The following GRIK1 variants were observed in gnomAD, a reference collection of about 807,000 sequenced individuals.
GRIK1 encodes the protein glutamate receptor ionotropic, kainate 1.
Under a neutral mutation model 105.7 loss-of-function variants are expected in GRIK1, and 69 were observed. That is an observed-to-expected ratio of 0.65 (90% CI 0.54 to 0.80). GRIK1 has a LOEUF of 0.80. Among genes scored for constraint, GRIK1 ranks in the 30% least tolerant of loss-of-function variants. The pLI is 0.00. For missense variants in GRIK1, 1,109 were observed against 1,167.3 expected, an observed-to-expected ratio of 0.95 and a Z score of 0.73; for synonymous variants, 438 against 431.3, an observed-to-expected ratio of 1.02 and a Z score of -0.19.
intron 5 of GRIK1, among the ~76,000 whole-genome samples, chr21:29,653,952 G>A (rs187025583): frequency 5.5e-4 from 84 of 152,200 alleles, no homozygotes; most frequent in Non-Finnish European, 9.9e-4. Flanking sequence ...TTACTACTTC[G>A]GGTCCTTATT....
intron 3 of GRIK1, among the ~76,000 whole-genome samples, chr21:29,675,908 G>A (rs1012067107): frequency 1.3e-5 from 2 of 152,052 alleles, no homozygotes; most frequent in Non-Finnish European, 2.9e-5. Flanking sequence ...AGGATTTCTT[G>A]TCAACTGGCT....
At chr21:29,543,288 A>C (rs9305398) in intron 16 of GRIK1, among the ~76,000 whole-genome samples, 95,352 of 151,936 alleles carry the variant, frequency 0.63, 31,151 homozygotes, top group East Asian at 0.76. Context: ...TTTAAGGAAT[A>C]GGAACAGAAG....
At chr21:29,915,599 T>C (rs888760020) in intron 1 of GRIK1, among the ~76,000 whole-genome samples, 12 of 152,044 alleles carry the variant, frequency 7.9e-5, no homozygotes, top group East Asian at 3.9e-4. Context: ...CCTATGACAC[T>C]GTTTACTGCG....
intron 1 of GRIK1, among the ~76,000 whole-genome samples, chr21:29,858,951 T>A (rs1436642792): frequency 1.5e-5 from 2 of 132,456 alleles, no homozygotes; most frequent in South Asian, 2.3e-4. Flanking sequence ...AAATTCTACA[T>A]TTTTTTTGTA....
chr21:29,719,179 T>G (rs1009937400), intron 1 of GRIK1, among the ~76,000 whole-genome samples: 12 of 150,718 alleles, frequency 8.0e-5, no homozygotes, highest in Non-Finnish European at 1.6e-4. Context: ...TGTACTACTT[T>G]ATATATAATT....
intron 15 of GRIK1, among the ~76,000 whole-genome samples, chr21:29,555,670 A>AC (rs1001615222): frequency 6.6e-6 from 1 of 152,164 alleles, no homozygotes; most frequent in African/African-American, 2.4e-5. Flanking sequence ...CATTGACTGA[A>AC]CGACCCTCTT....
intron 1 of GRIK1, among the ~76,000 whole-genome samples, chr21:29,928,107 G>A (rs1411789674): frequency 6.6e-6 from 1 of 152,096 alleles, no homozygotes; most frequent in Non-Finnish European, 1.5e-5. Context: ...GAGAGTTGAT[G>A]AGCTAAGAAA....
intron 1 of GRIK1, among the ~76,000 whole-genome samples, chr21:29,905,851 C>CT (rs373492302): frequency 1.4e-3 from 207 of 152,246 alleles, no homozygotes; most frequent in African/African-American, 4.9e-3. Context: ...TGGACTTGAA[C>CT]TTCTGACCTC....
intron 1 of GRIK1, among the ~76,000 whole-genome samples, chr21:29,907,370 G>A (rs1365285662): frequency 1.3e-5 from 2 of 151,984 alleles, no homozygotes; most frequent in Non-Finnish European, 2.9e-5. Context: ...AATAATCAAT[G>A]TTCTAGATCA....
chr21:29,572,404 C>T (rs985185707), intron 14 of GRIK1, among the ~76,000 whole-genome samples: 3 of 152,040 alleles, frequency 2.0e-5, no homozygotes, highest in Non-Finnish European at 4.4e-5. Context: ...ATGTATCCAT[C>T]CACCTCTCTC....
chr21:29,746,098 C>T (rs925860615), intron 1 of GRIK1, among the ~76,000 whole-genome samples: 2 of 151,476 alleles, frequency 1.3e-5, no homozygotes, highest in Non-Finnish European at 2.9e-5. Context: ...AGCGGGACTC[C>T]GTTTCAAAAA....
rs1270140559 is a variant in GRIK1 at position 29,537,242 on chromosome 21, C to G, written c.2838G>C (p.Glu946Asp). Residue 946 changes from glutamate (E) to aspartate (D), a missense_variant, in exon 18 of 18, where the codon GAG becomes GAC. Around this residue, in one of 5 missense-constraint regions of GRIK1, gnomAD observed 161 missense variants for 143.4 expected, o/e 1.12. Coordinates refer to ENST00000327783, the MANE Select transcript of GRIK1 (RefSeq NM_001330994.2). ...GCGTTTCCTTGGATCACGCCACAGTCTCTTTTCTCTGAGTTCGTCTCTGAT... is the reference window on the plus strand; with the variant it reads ...GCGTTTCCTTGGATCACGCCACAGTGTCTTTTCTCTGAGTTCGTCTCTGAT... ...TCHQRRTQRK[E>D]TVA 6.2e-7 allele frequency: 1 copy of G among 1,605,302 alleles called. No homozygotes were observed. Among genetic ancestry groups the G allele is most frequent in the Non-Finnish European group, 8.5e-7 (1 of 1,176,896 alleles).
chr21:29,858,831 A>G (rs2068544690), intron 1 of GRIK1, among the ~76,000 whole-genome samples: 1 of 151,828 alleles, frequency 6.6e-6, no homozygotes, highest in Non-Finnish European at 1.5e-5. Context: ...CAGAAGTCAT[A>G]TACTCAAGGG....
chr21:29,579,815 G>A (rs2090975059), intron 13 of GRIK1, among the ~76,000 whole-genome samples: 1 of 151,914 alleles, frequency 6.6e-6, no homozygotes, highest in Admixed American at 6.6e-5. Flanking sequence ...AGTGTGCTGT[G>A]GATGATGGTA....
chr21:29,652,735 A>C (rs1424214835), intron 5 of GRIK1, among the ~76,000 whole-genome samples: 1 of 152,248 alleles, frequency 6.6e-6, no homozygotes, highest in Non-Finnish European at 1.5e-5. Context: ...AACATTTAAC[A>C]GGAAAAATAC....
intron 1 of GRIK1, among the ~76,000 whole-genome samples, chr21:29,778,225 G>A (rs1281846686): frequency 6.6e-6 from 1 of 152,170 alleles, no homozygotes; most frequent in Non-Finnish European, 1.5e-5. Context: ...TGTATTTTGT[G>A]TTATATGCTC....
At chr21:29,583,237 A>G (rs1440277451) in intron 12 of GRIK1, among the ~76,000 whole-genome samples, 1 of 152,152 alleles carries the variant, frequency 6.6e-6, no homozygotes, top group Non-Finnish European at 1.5e-5. Flanking sequence ...TAATGTTTCA[A>G]CAATATAATT....
chr21:29,800,215 C>G (rs1474165956), intron 1 of GRIK1, among the ~76,000 whole-genome samples: 1 of 152,202 alleles, frequency 6.6e-6, no homozygotes, highest in Admixed American at 6.5e-5. Context: ...AGCACTGGCC[C>G]TTTAGCTGCT....
At chr21:29,939,331 T>C in intron 1 of GRIK1, 52 bp downstream of exon 1, 1 of 1,080,960 alleles carries the variant, frequency 9.3e-7, no homozygotes, top group Non-Finnish European at 1.4e-6. Flanking sequence ...ACACCCGCGT[T>C]GGTGCGGCGA....
Sources: allele counts gnomAD v4.1 joint callset (sites outside exome capture counted in the v4.1 genomes callset), GRCh38; gene constraint gnomAD v4.1.1; regional missense constraint gnomAD v4.1.1; transcripts MANE v1.5; gene names NCBI Gene and HGNC (gene_info 2026-07-23, HGNC 2026-07-21).